The following GABRG3 variants were observed in gnomAD, a reference collection of about 807,000 sequenced individuals.
GABRG3 encodes gamma-aminobutyric acid type A receptor subunit gamma3, also known as gamma-aminobutyric acid receptor subunit gamma-3.
Under a neutral mutation model 48.8 loss-of-function variants are expected in GABRG3, and 25 were observed. The ratio of observed to expected loss-of-function variants is 0.51; its 90% CI spans 0.37 to 0.72. The LOEUF is 0.72. GABRG3 is among the 30% of genes least tolerant of loss of function. GABRG3 has a pLI of 0.00. For synonymous variants in GABRG3, 227 were observed against 217.6 expected, an observed-to-expected ratio of 1.04 and a Z score of -0.38; for missense variants, 394 against 577.9, an observed-to-expected ratio of 0.68 and a Z score of 3.26.
At chr15:27,501,079 G>A (rs779272506) in intron 6 of GABRG3, among the ~76,000 whole-genome samples, 3 of 151,444 alleles carry the variant, frequency 2.0e-5, no homozygotes, top group Non-Finnish European at 4.4e-5. Context: ...AGCCTCCCGA[G>A]TAGCTGGGAC....
intron 3 of GABRG3, among the ~76,000 whole-genome samples, chr15:27,197,183 C>A (rs1462762340): frequency 6.6e-6 from 1 of 151,990 alleles, no homozygotes; most frequent in Non-Finnish European, 1.5e-5. Context: ...GTTTTGGATT[C>A]CTGATACTTT....
intron 2 of GABRG3, among the ~76,000 whole-genome samples, chr15:27,007,403 A>G (rs1242480533): frequency 6.6e-6 from 1 of 152,116 alleles, no homozygotes. Context: ...TTATAGTAGA[A>G]TGATTTGTAT....
rs148333503 is a variant in GABRG3 at position 27,202,207 on chromosome 15, A to G, written c.271-124602A>G. On this transcript the variant is annotated intron_variant, in intron 3 of 9. Transcript: ENST00000615808. ...CCTATACAAAGACATATACCCATAT[A>G]TATTTTTGTTTCCTTTTTATAAGGT... is the stretch of plus-strand genomic sequence containing the variant. Among the ~76,000 whole-genome samples the G allele has an allele frequency of 7.5e-4, 114 of 152,278 alleles. 1 individual carries two copies. Among genetic ancestry groups the G allele is most frequent in the African/African-American group, 2.6e-3 (108 of 41,562 alleles).
intron 5 of GABRG3, among the ~76,000 whole-genome samples, chr15:27,380,110 A>C (rs1335693033): frequency 6.6e-6 from 1 of 151,828 alleles, no homozygotes; most frequent in East Asian, 1.9e-4. Flanking sequence ...CAGATTTGAA[A>C]ATTTCTATTG....
intron 3 of GABRG3, among the ~76,000 whole-genome samples, chr15:27,288,717 G>GAA (rs35366869): frequency 1.4e-4 from 12 of 84,894 alleles, no homozygotes; most frequent in Non-Finnish European, 2.1e-4. Context: ...CCGTCTCACA[G>GAA]AAAAAAAAAA....
chr15:27,231,876 A>AT (rs1889811645), intron 3 of GABRG3, among the ~76,000 whole-genome samples: 1 of 152,076 alleles, frequency 6.6e-6, no homozygotes, highest in Non-Finnish European at 1.5e-5. Context: ...TAACTTAAAG[A>AT]TTTTTTCTAC....
At chr15:27,307,586 TAG>T (rs1247398824) in intron 3 of GABRG3, among the ~76,000 whole-genome samples, 5 of 102,184 alleles carry the variant, frequency 4.9e-5, no homozygotes, top group South Asian at 5.6e-4. Context: ...AACAGGTTTA[TAG>T]GTTTATATAT....
chr15:27,214,222 T>C (rs1291476411), intron 3 of GABRG3, among the ~76,000 whole-genome samples: 1 of 152,190 alleles, frequency 6.6e-6, no homozygotes, highest in South Asian at 2.1e-4. Context: ...TATCTAGTAA[T>C]GGTAGTCATA....
chr15:26,986,152 C>T (rs74006548), intron 2 of GABRG3, among the ~76,000 whole-genome samples: 1,692 of 152,266 alleles, frequency 0.011, 41 homozygotes, highest in African/African-American at 0.038. Flanking sequence ...CCACAGCCCA[C>T]CGTGCATACA....
At chr15:27,461,572 C>T (rs1385479392) in intron 5 of GABRG3, among the ~76,000 whole-genome samples, 3 of 152,206 alleles carry the variant, frequency 2.0e-5, no homozygotes, top group Non-Finnish European at 4.4e-5. Flanking sequence ...GTTGTCACTG[C>T]TGGCATGGGT....
At chr15:27,524,774 G>A (rs890695530) in intron 7 of GABRG3, among the ~76,000 whole-genome samples, 2 of 152,066 alleles carry the variant, frequency 1.3e-5, no homozygotes, top group African/African-American at 4.8e-5. Flanking sequence ...GATAACCCAT[G>A]GGAAGGCAGG....
At chr15:27,162,620 G>T (rs1032091728) in intron 3 of GABRG3, among the ~76,000 whole-genome samples, 11 of 151,974 alleles carry the variant, frequency 7.2e-5, no homozygotes, top group Admixed American at 3.3e-4. Flanking sequence ...AGTACCTAGG[G>T]TTTGCTAGAA....
intron 3 of GABRG3, among the ~76,000 whole-genome samples, chr15:27,094,404 A>G (rs530179772): frequency 1.5e-3 from 222 of 152,216 alleles, no homozygotes; most frequent in Non-Finnish European, 2.4e-3. Flanking sequence ...CTGCCTCCAT[A>G]TTTGCAGTGT....
At chr15:27,169,391 G>T (rs1045710076) in intron 3 of GABRG3, among the ~76,000 whole-genome samples, 2 of 152,088 alleles carry the variant, frequency 1.3e-5, no homozygotes, top group African/African-American at 4.8e-5. Flanking sequence ...ACCGCCCATT[G>T]GAGGAACTGA....
chr15:27,512,841 A>G (rs1566874211), intron 6 of GABRG3, among the ~76,000 whole-genome samples: 1 of 152,124 alleles, frequency 6.6e-6, no homozygotes, highest in Non-Finnish European at 1.5e-5. Flanking sequence ...CACTATTCAT[A>G]CCCTAGGGCT....
chr15:27,529,747 C>T (rs543557087), intron 9 of GABRG3, among the ~76,000 whole-genome samples: 1 of 152,128 alleles, frequency 6.6e-6, no homozygotes, highest in South Asian at 2.1e-4. Context: ...GGGTGCACAT[C>T]ATCACACATA....
chr15:27,507,479 G>A (rs2150856911), intron 6 of GABRG3, among the ~76,000 whole-genome samples: 1 of 152,126 alleles, frequency 6.6e-6, no homozygotes, highest in African/African-American at 2.4e-5. Flanking sequence ...ACTACAGCTT[G>A]GGTGACAGAG....
chr15:27,227,145 G>A (rs546334004), intron 3 of GABRG3, among the ~76,000 whole-genome samples: 5 of 152,280 alleles, frequency 3.3e-5, no homozygotes, highest in African/African-American at 1.2e-4. Flanking sequence ...AAGGTATCAA[G>A]TTCATTAACA....
intron 3 of GABRG3, among the ~76,000 whole-genome samples, chr15:27,250,443 T>C (rs1328972141): frequency 6.6e-6 from 1 of 152,186 alleles, no homozygotes; most frequent in Non-Finnish European, 1.5e-5. Context: ...AAGCGCTGCT[T>C]TTTTTTGAAA....
Sources: allele counts gnomAD v4.1 joint callset (sites outside exome capture counted in the v4.1 genomes callset), GRCh38; gene constraint gnomAD v4.1.1; transcripts MANE v1.5; gene names NCBI Gene and HGNC (gene_info 2026-07-23, HGNC 2026-07-21).